The following ELOVL5 variants were observed in gnomAD, a reference collection of about 807,000 sequenced individuals.
ELOVL5 encodes the protein very long chain fatty acid elongase 5.
In ELOVL5, 8 loss-of-function variants were observed where a neutral mutation model predicts 38.6. The observed-to-expected ratio is 0.21, with a 90% CI of 0.12 to 0.37. The LOEUF (loss-of-function observed/expected upper bound fraction) is 0.37. Among genes scored for constraint, ELOVL5 ranks in the 10% least tolerant of loss-of-function variants. The pLI, the probability that ELOVL5 is intolerant of heterozygous loss-of-function variation, is 1.00. For synonymous variants in ELOVL5, 127 were observed against 133.7 expected, an observed-to-expected ratio of 0.95 and a Z score of 0.34; for missense variants, 280 against 367.8, an observed-to-expected ratio of 0.76 and a Z score of 1.95.
chr6:53,283,315 T>C (rs1766433290), intron 3 of ELOVL5, among the ~76,000 whole-genome samples: 2 of 151,970 alleles, frequency 1.3e-5, no homozygotes, highest in Non-Finnish European at 2.9e-5. Flanking sequence ...AAAAGGCATG[T>C]TTACCTGAGA....
chr6:53,291,044 T>C (rs1327142176), intron 3 of ELOVL5, among the ~76,000 whole-genome samples: 1 of 152,090 alleles, frequency 6.6e-6, no homozygotes, highest in Non-Finnish European at 1.5e-5. Flanking sequence ...CACAAACTGC[T>C]TACCACCAGA....
rs1002042841 is a variant in ELOVL5 at position 53,268,898 on chromosome 6, CCA to C, written c.*227_*228del. On this transcript the variant is annotated 3_prime_UTR_variant, in exon 8 of 8. Coordinates refer to ENST00000304434, the MANE Select transcript of ELOVL5 (RefSeq NM_021814.5). ...TGTATACTATAATAATACTCCCTTT[CCA>C]CAGTCTAGCGCAGGGGTCAGAGAGC... 7.1e-6 allele frequency: 3 copies of C among 424,750 alleles called. No individual in the cohort carries two copies. In the Admixed American group the frequency reaches 1.2e-4, roughly 17 times the overall value. 26.3% of individuals were successfully genotyped at this position (424,750 alleles called of 1,614,324 possible).
At chr6:53,303,253 T>C (rs1439672655) in intron 1 of ELOVL5, among the ~76,000 whole-genome samples, 1 of 152,218 alleles carries the variant, frequency 6.6e-6, no homozygotes, top group African/African-American at 2.4e-5. Flanking sequence ...AAGATCCAAG[T>C]ACTAACAAGC....
rs765835685 is a variant in ELOVL5 at position 53,269,254 on chromosome 6, C to A, written c.773G>T (p.Gly258Val). Residue 258 changes from glycine (G) to valine (V), a missense_variant, in exon 8 of 8, where the codon GGG (glycine) becomes GTG (valine). Physicochemically the swap from Gly to Val is moderately radical, Grantham distance 109 (BLOSUM62 -3). Coordinates refer to ENST00000304434, the MANE Select transcript of ELOVL5 (RefSeq NM_021814.5). ...NFYIQTYNKK[G>V]ASRRKDHLKD... The stretch of plus-strand genomic sequence containing the variant: ...CAGGTGGTCTTTCCTTCGGGAGGCC[C>A]CTTTCTTGTTGTAGGTCTAAAATGT... 1 of 1,610,086 alleles carries A rather than the reference C, an allele frequency of 6.2e-7. No homozygotes were observed. The highest frequency in any genetic ancestry group is 8.5e-7 in the Non-Finnish European group (1 of 1,178,024).
intron 1 of ELOVL5, among the ~76,000 whole-genome samples, chr6:53,338,105 T>G (rs1651691273): frequency 6.6e-6 from 1 of 151,968 alleles, no homozygotes; most frequent in Admixed American, 6.6e-5. Context: ...GGATGGTGGG[T>G]GGGTGGATGG....
At chr6:53,289,748 A>G (rs1766704040) in intron 3 of ELOVL5, among the ~76,000 whole-genome samples, 1 of 152,242 alleles carries the variant, frequency 6.6e-6, no homozygotes, top group Non-Finnish European at 1.5e-5. Flanking sequence ...ACGTGTAGCT[A>G]AAATGATATT....
At chr6:53,288,013 G>A in intron 3 of ELOVL5, 1 of 1,284,668 alleles carries the variant, frequency 7.8e-7, no homozygotes, top group Non-Finnish European at 1.1e-6. Flanking sequence ...GAGAAGAGTA[G>A]ACACATTGAA....
intron 1 of ELOVL5, among the ~76,000 whole-genome samples, chr6:53,325,455 T>C (rs1019151159): frequency 2.0e-5 from 3 of 152,222 alleles, no homozygotes; most frequent in Admixed American, 6.5e-5. Context: ...TAGATATTTA[T>C]GCCTGTCAAG....
intron 1 of ELOVL5, among the ~76,000 whole-genome samples, chr6:53,330,240 T>C (rs559246982): frequency 1.3e-5 from 2 of 150,834 alleles, no homozygotes; most frequent in South Asian, 4.2e-4. Flanking sequence ...AGTATTTGTA[T>C]AGCTCAACAA....
At chr6:53,348,143 ATCCC>A in intron 1 of ELOVL5, among the ~76,000 whole-genome samples, 1 of 151,764 alleles carries the variant, frequency 6.6e-6, no homozygotes, top group East Asian at 1.9e-4. Context: ...CACCAGCCTC[ATCCC>A]TCCCTGAGTA....
intron 3 of ELOVL5, chr6:53,289,952 T>A (rs1336423494): frequency 6.6e-6 from 1 of 152,230 alleles, no homozygotes; most frequent in Non-Finnish European, 1.5e-5. Flanking sequence ...TGCCTCTTTG[T>A]CTATTACCTC....
At chr6:53,348,414 G>A (rs1769671545) in intron 1 of ELOVL5, among the ~76,000 whole-genome samples, 2 of 152,072 alleles carry the variant, frequency 1.3e-5, no homozygotes, top group Admixed American at 6.5e-5. Context: ...CTCTCCCGCC[G>A]CGCGCTCCGG....
intron 1 of ELOVL5, among the ~76,000 whole-genome samples, chr6:53,339,150 A>G (rs914687069): frequency 6.6e-6 from 1 of 152,216 alleles, no homozygotes; most frequent in African/African-American, 2.4e-5. Context: ...CTGCTACAAT[A>G]CAGCATTTTT....
intron 1 of ELOVL5, among the ~76,000 whole-genome samples, chr6:53,314,725 A>G (rs902653879): frequency 5.3e-5 from 8 of 152,202 alleles, no homozygotes; most frequent in Non-Finnish European, 1.0e-4. Context: ...ATAAAATTAA[A>G]AAGAAAAAAA....
chr6:53,313,104 G>GA (rs1455504366), intron 1 of ELOVL5, among the ~76,000 whole-genome samples: 1 of 152,146 alleles, frequency 6.6e-6, no homozygotes, highest in African/African-American at 2.4e-5. Context: ...CAAACAGTAA[G>GA]AAAATCATGA....
intron 1 of ELOVL5, among the ~76,000 whole-genome samples, chr6:53,324,803 C>CAA (rs905778373): frequency 4.0e-5 from 6 of 149,246 alleles, no homozygotes; most frequent in African/African-American, 1.5e-4. Flanking sequence ...GCTATCATAC[C>CAA]AAAAAAAAAT....
intron 2 of ELOVL5, among the ~76,000 whole-genome samples, chr6:53,295,313 A>G (rs996902055): frequency 2.6e-5 from 4 of 152,230 alleles, no homozygotes; most frequent in African/African-American, 9.6e-5. Flanking sequence ...TTAAACTCCT[A>G]TTGCAACACT....
intron 1 of ELOVL5, among the ~76,000 whole-genome samples, chr6:53,328,651 T>C (rs1314192662): frequency 6.6e-6 from 1 of 152,198 alleles, no homozygotes; most frequent in East Asian, 1.9e-4. Context: ...GCAGTATCTA[T>C]CCAAGAGACA....
intron 1 of ELOVL5, among the ~76,000 whole-genome samples, chr6:53,330,189 T>C (rs897167276): frequency 3.3e-5 from 5 of 152,200 alleles, no homozygotes; most frequent in Admixed American, 3.3e-4. Context: ...GTTTGGCATG[T>C]TACTATACTG....
Sources: allele counts gnomAD v4.1 joint callset (sites outside exome capture counted in the v4.1 genomes callset), GRCh38; gene constraint gnomAD v4.1.1; transcripts MANE v1.5; gene names NCBI Gene and HGNC (gene_info 2026-07-23, HGNC 2026-07-21).